Variants in LRRIQ1 observed in about 807,000 individuals in gnomAD.
The protein encoded by LRRIQ1 is leucine rich repeats and IQ motif containing 1, also known as leucine-rich repeat- and IQ domain-containing protein 1.
In LRRIQ1, 210 loss-of-function variants were observed where a neutral mutation model predicts 211.9. The observed-to-expected ratio is 0.99, with a 90% CI of 0.89 to 1.11. The LOEUF (loss-of-function observed/expected upper bound fraction) is 1.11. Ranked by LOEUF, LRRIQ1 falls within the 50% of genes most tolerant of loss-of-function variation. The pLI is 0.00. For synonymous variants in LRRIQ1, 699 were observed against 650.1 expected, an observed-to-expected ratio of 1.08 and a Z score of -1.14; for missense variants, 2,136 against 1,939.5, an observed-to-expected ratio of 1.10 and a Z score of -1.90.
chr12:85,216,000 G>A (rs994142694), intron 24 of LRRIQ1, among the ~76,000 whole-genome samples: 1 of 152,126 alleles, frequency 6.6e-6, no homozygotes, highest in Non-Finnish European at 1.5e-5. Flanking sequence ...TATAGTAGTT[G>A]CCCTTAAGAG....
At chr12:85,267,186 G>A (rs1006128915), downstream of LRRIQ1, among the ~76,000 whole-genome samples, 2 of 152,036 alleles carry the variant, frequency 1.3e-5, no homozygotes, top group Non-Finnish European at 2.9e-5. Flanking sequence ...ATCTAGATCA[G>A]CATTGTCCAA....
In LRRIQ1 at chr12:85,227,941, A is replaced by C. The variant is rs1430859019; in HGVS notation, c.4823-1576A>C. Reference sequence around the variant, plus strand: ...TGGGGAAAAGATTCCCTATTTAATAAATGATGCTGGGAAAACTGGCTAGCA... The same window carrying C: ...TGGGGAAAAGATTCCCTATTTAATACATGATGCTGGGAAAACTGGCTAGCA... On this transcript the variant is annotated intron_variant, in intron 24 of 26. Transcript: ENST00000393217. Among the ~76,000 whole-genome samples the C allele has an allele frequency of 2.6e-5, 4 of 152,346 alleles. No individual in the cohort carries two copies. In the South Asian group the frequency reaches 8.3e-4, roughly 32 times the overall value.
At chr12:85,117,025 T>C (rs1000669184) in intron 15 of LRRIQ1, among the ~76,000 whole-genome samples, 1 of 152,188 alleles carries the variant, frequency 6.6e-6, no homozygotes, top group African/African-American at 2.4e-5. Context: ...TTTGCGTGCA[T>C]GTGGAAAGAC....
intron 13 of LRRIQ1, among the ~76,000 whole-genome samples, chr12:85,101,864 A>G (rs948822496): frequency 9.2e-5 from 14 of 151,452 alleles, no homozygotes; most frequent in Non-Finnish European, 1.8e-4. Flanking sequence ...TTTTGATTCT[A>G]AAAAAAATTG....
chr12:85,244,042 T>C (rs1323174775), intron 26 of LRRIQ1, among the ~76,000 whole-genome samples: 1 of 151,622 alleles, frequency 6.6e-6, no homozygotes, highest in East Asian at 1.9e-4. Context: ...CTCATGGCAT[T>C]TCCCCCTATT....
intron 15 of LRRIQ1, among the ~76,000 whole-genome samples, chr12:85,121,418 G>A (rs931800603): frequency 6.6e-6 from 1 of 151,918 alleles, no homozygotes; most frequent in African/African-American, 2.4e-5. Context: ...CCAAATTCCA[G>A]CCTGAGTTTC....
chr12:85,179,730 C>T (rs750162313), intron 24 of LRRIQ1, among the ~76,000 whole-genome samples: 5 of 151,900 alleles, frequency 3.3e-5, no homozygotes, highest in South Asian at 2.1e-4. Context: ...CCTTTCCATC[C>T]GACACTTCCA....
chr12:85,264,874 C>A (rs1896389120), downstream of LRRIQ1, among the ~76,000 whole-genome samples: 1 of 152,030 alleles, frequency 6.6e-6, no homozygotes, highest in South Asian at 2.1e-4. Flanking sequence ...AGATTTAATT[C>A]TCACCTTTCT....
At chr12:85,095,995 A>G (rs906044811) in intron 11 of LRRIQ1, among the ~76,000 whole-genome samples, 5 of 151,976 alleles carry the variant, frequency 3.3e-5, no homozygotes, top group African/African-American at 1.2e-4. Flanking sequence ...TTTCTGTGGG[A>G]TTGGTTGTAG....
intron 11 of LRRIQ1, among the ~76,000 whole-genome samples, chr12:85,094,993 A>G (rs1238505173): frequency 6.6e-6 from 1 of 152,164 alleles, no homozygotes; most frequent in East Asian, 1.9e-4. Flanking sequence ...TACTGAAGTC[A>G]TTTATCAAAT....
chr12:85,040,188 AT>A (rs1438255826), intron 2 of LRRIQ1, among the ~76,000 whole-genome samples: 5 of 151,616 alleles, frequency 3.3e-5, no homozygotes, highest in African/African-American at 1.2e-4. Context: ...TAATCTAAAA[AT>A]ATATACAACT....
At chr12:85,094,365 T>A (rs1885677200) in intron 11 of LRRIQ1, among the ~76,000 whole-genome samples, 1 of 152,098 alleles carries the variant, frequency 6.6e-6, no homozygotes, top group South Asian at 2.1e-4. Context: ...TAAAAATAAA[T>A]TTCACAATAA....
chr12:85,225,602 C>G (rs898437483), intron 24 of LRRIQ1, among the ~76,000 whole-genome samples: 1 of 152,000 alleles, frequency 6.6e-6, no homozygotes, highest in Non-Finnish European at 1.5e-5. Context: ...TGGAGGACAG[C>G]AAGAATCAAA....
chr12:85,117,679 C>A (rs185384034), intron 15 of LRRIQ1, among the ~76,000 whole-genome samples: 1 of 152,088 alleles, frequency 6.6e-6, no homozygotes, highest in Non-Finnish European at 1.5e-5. Flanking sequence ...TATGTTTAGT[C>A]TTCTAATTTA....
At position 85,104,054 on chromosome 12, in the gene LRRIQ1, A is replaced by G; in HGVS notation, c.3260A>G (p.Asp1087Gly). The G allele has an allele frequency of 6.4e-7, 1 of 1,560,120 alleles. No individual in the cohort carries two copies. Among genetic ancestry groups the G allele is most frequent in the Non-Finnish European group, 8.7e-7 (1 of 1,152,382 alleles). Residue 1087 changes from aspartate to glycine, a missense_variant, in exon 14 of 27, where the codon GAT becomes GGT. By Grantham distance (94) the Asp-to-Gly change is moderately conservative (BLOSUM62 -1). Transcript: ENST00000393217. ...LFHFVSLEKL[D>G]VSHNCLSDLK... ...CATTTTGTTTCATTGGAAAAGCTAG[A>G]TGTCAGCCACAATTGTCTTTCTGGT...
At chr12:85,123,595 T>G (rs1048681849) in intron 16 of LRRIQ1, among the ~76,000 whole-genome samples, 3 of 152,114 alleles carry the variant, frequency 2.0e-5, no homozygotes, top group African/African-American at 7.2e-5. Flanking sequence ...TGCAATAGAT[T>G]ATTATTTTTC....
intron 15 of LRRIQ1, among the ~76,000 whole-genome samples, chr12:85,117,026 G>A (rs1887633633): frequency 1.3e-5 from 2 of 152,222 alleles, no homozygotes; most frequent in South Asian, 4.1e-4. Flanking sequence ...TTGCGTGCAT[G>A]TGGAAAGACT....
chr12:85,074,936 A>T (rs549589264), intron 11 of LRRIQ1, among the ~76,000 whole-genome samples: 1 of 152,182 alleles, frequency 6.6e-6, no homozygotes, highest in South Asian at 2.1e-4. Flanking sequence ...CTCTTATTTT[A>T]TGTTGAATTT....
At chr12:85,153,592 A>G (rs1565872599) in intron 21 of LRRIQ1, 71 bp from the exon 22 acceptor site, 1 of 919,210 alleles carries the variant, frequency 1.1e-6, no homozygotes, top group Non-Finnish European at 1.6e-6. Flanking sequence ...CAACATAAAC[A>G]GTTTGTAGTT....
Sources: gnomAD v4.1 joint callset for allele counts (sites outside exome capture counted in the v4.1 genomes callset) on GRCh38, gnomAD v4.1.1 for gene constraint, MANE v1.5 for transcripts, NCBI Gene and HGNC (gene_info 2026-07-23, HGNC 2026-07-21) for gene names.